Variants in SPTBN5 observed in about 807,000 individuals in gnomAD.
SPTBN5 encodes the protein spectrin beta, non-erythrocytic 5.
A neutral mutation model predicts 477.6 loss-of-function variants in SPTBN5; 513 were observed. That is an observed-to-expected ratio of 1.07 (90% confidence interval 1.00 to 1.16). The LOEUF is 1.16. Among genes scored for constraint, SPTBN5 ranks in the 50% most tolerant of loss-of-function variants. The pLI is 0.00. For missense variants in SPTBN5, 5,062 were observed against 4,731.8 expected (o/e 1.07, Z -2.05); for synonymous variants, 2,169 against 2,011.7 (o/e 1.08, Z -2.09).
intron 56 of SPTBN5, among the ~76,000 whole-genome samples, chr15:41,854,457 G>T (rs1001633488): frequency 4.9e-4 from 75 of 152,092 alleles, no homozygotes; most frequent in African/African-American, 1.7e-3. Context: ...AAAGGCAGAC[G>T]CGAGGTGTTG....
At chr15:41,854,523 C>T (rs1338949104) in intron 56 of SPTBN5, among the ~76,000 whole-genome samples, 1 of 152,062 alleles carries the variant, frequency 6.6e-6, no homozygotes, top group Non-Finnish European at 1.5e-5. Flanking sequence ...CTGGCAGTAC[C>T]ACCTGCAGTG....
Position 41,855,335 on chromosome 15 carries a change from C to G in SPTBN5, c.9312G>C (p.Gln3104His), listed in dbSNP as rs1385586036. 6.2e-7 allele frequency: 1 copy of G among 1,608,056 alleles called. No individual in the cohort carries two copies. Among genetic ancestry groups the G allele is most frequent in the Non-Finnish European group, 8.5e-7 (1 of 1,179,734 alleles). Reference protein sequence around the residue: ...AEARGHGLQEQLQLHQLERET... With the variant: ...AEARGHGLQEHLQLHQLERET... ...CTCGCTCCAGCTGGTGTAGCTGCAGCTGCTCCTGCAGGCCGTGCCCCCTGG... is the reference window on the plus strand; with the variant it reads ...CTCGCTCCAGCTGGTGTAGCTGCAGGTGCTCCTGCAGGCCGTGCCCCCTGG... The change falls in exon 55 of 68, where the codon CAG becomes CAC. Residue 3104 changes from glutamine to histidine, a missense_variant. Gln to His is a conservative substitution (Grantham distance 24). Transcript: ENST00000320955.
chr15:41,880,826 T>C (rs1176959945), intron 13 of SPTBN5, among the ~76,000 whole-genome samples: 1 of 152,208 alleles, frequency 6.6e-6, no homozygotes, highest in Non-Finnish European at 1.5e-5. Flanking sequence ...CAAGGTGCCT[T>C]CCCTGACCTC....
rs368781348 is a variant in SPTBN5, at chr15:41,866,691, T to G, written c.6481-198A>C. 446 of 747,304 alleles carry G rather than the reference T, an allele frequency of 6.0e-4. 2 individuals carry two copies. In the African/African-American group the frequency reaches 7.2e-3, roughly 12 times the overall value. The allele number at this position is 747,304 out of a possible 1,614,324, so 46.3% of individuals were successfully genotyped here. ...GGCAGGGCCTTGGGTGGGCTCTCGT[T>G]TTGGAGGTGTGGCCCCTACTCCTGG... On this transcript the variant is annotated intron_variant, in intron 36 of 67. Transcript: ENST00000320955.
intron 67 of SPTBN5, among the ~76,000 whole-genome samples, chr15:41,848,957 A>G (rs907431637): frequency 3.3e-5 from 5 of 152,232 alleles, no homozygotes; most frequent in African/African-American, 4.8e-5. Flanking sequence ...CCCGTCAGCA[A>G]CACATCATCT....
At position 41,851,103 on chromosome 15, in the gene SPTBN5, C is replaced by T. The variant is rs769887185; in HGVS notation, c.10791G>A (p.Glu3597=). The change falls in exon 65 of 68, where the codon GAG becomes GAA. Residue 3597 remains glutamate, a synonymous_variant. Transcript: ENST00000320955. ...ALLDLTGARC[E]RLRGRHGRKH... is the part of the protein sequence containing the mutation. ...TCCTGCCGTGGCGGCCCCGCAGCCT[C>T]TCACACCGGGCTCCCGTGAGGTCAA... The T allele has an allele frequency of 1.2e-6, 2 of 1,613,272 alleles. No homozygotes were observed. Among genetic ancestry groups the T allele is most frequent in the Non-Finnish European group, 1.7e-6 (2 of 1,179,836 alleles).
intron 56 of SPTBN5, among the ~76,000 whole-genome samples, 198 bp from the exon 57 acceptor site, chr15:41,854,403 G>A (rs1482238044): frequency 6.6e-6 from 1 of 151,980 alleles, no homozygotes; most frequent in African/African-American, 2.4e-5. Flanking sequence ...CAGGCCAGGG[G>A]GTGGGGAGGG....
At position 41,855,714 on chromosome 15, in the gene SPTBN5, C is replaced by T. The variant is rs770317298; in HGVS notation, c.9053G>A (p.Arg3018Gln). ...GTCCTCGCTGTCCAGGACATGGCCC[C>T]GCTCAGCCAGCCAGGATCCCGCCTC... The part of the protein sequence containing the change: ...LLEAGSWLAE[R>Q]GHVLDSEDMG... The change falls in exon 54 of 68, where the codon CGG (arginine) becomes CAG (glutamine). Residue 3018 changes from arginine (R) to glutamine (Q), a missense_variant. By Grantham distance (43) the Arg-to-Gln change is conservative. Transcript: ENST00000320955. 3.9e-5 allele frequency: 62 copies of T among 1,590,706 alleles called. No individual in the cohort carries two copies. Among genetic ancestry groups the T allele is most frequent in the South Asian group, 1.2e-4 (11 of 89,122 alleles).
chr15:41,877,815 G>C (rs932558002), intron 17 of SPTBN5, among the ~76,000 whole-genome samples: 4 of 152,250 alleles, frequency 2.6e-5, no homozygotes, highest in South Asian at 4.1e-4. Context: ...ATGCATTTCA[G>C]TGCCCACTTG....
In SPTBN5 at chr15:41,894,017, G is replaced by A. The variant is rs1337815678; in HGVS notation, c.-168C>T. On this transcript the variant is annotated 5_prime_UTR_variant, in exon 1 of 68. Transcript: ENST00000320955. ...GAGAGGCCAAGGCTGGAGCAGGGCT[G>A]CACCACAGCCCTCCCCTTGAGCCAG... 5 of 172,484 alleles carry A rather than the reference G, an allele frequency of 2.9e-5. No individual in the cohort carries two copies. The East Asian group carries it at 6.1e-4, about 21-fold the overall frequency. The allele number at this position is 172,484 out of a possible 1,614,324, so 10.7% of individuals were successfully genotyped here. A position where few individuals can be genotyped will look rare whatever the true frequency, so the allele number is the denominator to read the frequency against.
chr15:41,863,638 G>A, intron 41 of SPTBN5, 66 bp downstream of exon 41: 1 of 1,299,026 alleles, frequency 7.7e-7, no homozygotes, highest in South Asian at 1.2e-5. Flanking sequence ...GGAGACTCTA[G>A]GCAGTGCCCC....
rs1197066640 is a variant in SPTBN5, at chr15:41,883,151, C to T, written c.1737G>A (p.Glu579=). 6.2e-7 allele frequency: 1 copy of T among 1,612,912 alleles called. No homozygotes were observed. The highest frequency in any genetic ancestry group is 1.1e-5 in the South Asian group (1 of 90,986). ...VELLQRHDLL[E]AQVSAHGAHV... ...GGGCTCCGTGGGCCGAGACTTGAGCCTCCAGCAGGTCATGCCTCTGCAGCA... is the reference window on the plus strand; with the variant it reads ...GGGCTCCGTGGGCCGAGACTTGAGCTTCCAGCAGGTCATGCCTCTGCAGCA... Residue 579 remains glutamate, a synonymous_variant, in exon 9 of 68, where the codon GAG becomes GAA. Transcript: ENST00000320955.
At position 41,876,611 on chromosome 15, in the gene SPTBN5, C is replaced by A; in HGVS notation, c.3888G>T (p.Trp1296Cys). Residue 1296 changes from tryptophan (W) to cysteine (C), a missense_variant, in exon 20 of 68, where the codon TGG becomes TGT. Physicochemically the swap from Trp to Cys is radical, Grantham distance 215. Coordinates refer to ENST00000320955, the MANE Select transcript of SPTBN5 (RefSeq NM_016642.4). Reference protein sequence around the residue: ...REQLQSIQAQWTRLQGRSEQR... With the variant: ...REQLQSIQAQCTRLQGRSEQR... ...GCTCACTCCTCCCCTGGAGCCTGGT[C>A]CACTGTGCCTGGATACTCTGCAGCT... 6.2e-7 allele frequency: 1 copy of A among 1,605,860 alleles called. No individual in the cohort carries two copies. The highest frequency in any genetic ancestry group is 8.5e-7 in the Non-Finnish European group (1 of 1,177,198).
intron 4 of SPTBN5, among the ~76,000 whole-genome samples, chr15:41,889,564 T>C (rs2067249638): frequency 6.6e-6 from 1 of 151,936 alleles, no homozygotes; most frequent in African/African-American, 2.4e-5. Context: ...ACTACAGGCA[T>C]GTGCCACAAA....
chr15:41,856,801 C>T, intron 52 of SPTBN5, 52 bp downstream of exon 52: 1 of 1,496,688 alleles, frequency 6.7e-7, no homozygotes, highest in Non-Finnish European at 9.0e-7. Context: ...ATTTCCTTGG[C>T]TGAGAAGCCC....
At chr15:41,884,366 C>T (rs915490460) in intron 7 of SPTBN5, among the ~76,000 whole-genome samples, 2 of 151,972 alleles carry the variant, frequency 1.3e-5, no homozygotes, top group Admixed American at 6.6e-5. Context: ...GTGATCCACC[C>T]GCCTTGGCCT....
chr15:41,855,607 G>A lies in SPTBN5; in HGVS notation c.9160C>T (p.Arg3054Cys), dbSNP rs368037342. Reference protein sequence around the residue: ...TKRDLEAFSPRIERLQQTAAL... With the variant: ...TKRDLEAFSPCIERLQQTAAL... The stretch of plus-strand genomic sequence containing the variant: ...GCTGTCTGCTGCAGCCGCTCGATGC[G>A]TGGGCTGAACGCTTCCAGGTCTCTC... The change falls in exon 54 of 68, where the codon CGC becomes TGC. Residue 3054 changes from arginine to cysteine, a missense_variant. Coordinates refer to ENST00000320955, the MANE Select transcript of SPTBN5 (RefSeq NM_016642.4). 2.2e-4 allele frequency: 362 copies of A among 1,611,574 alleles called. No homozygotes were observed. Among genetic ancestry groups the A allele is most frequent in the Non-Finnish European group, 2.7e-4 (319 of 1,179,746 alleles).
rs1299519751 is a variant in SPTBN5 at position 41,851,294 on chromosome 15, T to G, written c.10732A>C (p.Met3578Leu). 1 of 1,551,220 alleles carries G rather than the reference T, an allele frequency of 6.4e-7. No homozygotes were observed. The highest frequency in any genetic ancestry group is 1.2e-5 in the South Asian group (1 of 84,062). ...ACCCCGCCTGGTACCTCCGCTGCCA[T>G]CCTCTCATCCAGGAACAGGCTCAGA... ...SSLSLFLDERMAAEKVASIAL... is the reference protein window; with the variant it reads ...SSLSLFLDERLAAEKVASIAL... The change falls in exon 64 of 68, where the codon ATG (methionine) becomes CTG (leucine). Residue 3578 changes from methionine (M) to leucine (L), a missense_variant. Physicochemically the swap from Met to Leu is conservative, Grantham distance 15 (BLOSUM62 2). Coordinates refer to ENST00000320955, the MANE Select transcript of SPTBN5 (RefSeq NM_016642.4).
intron 67 of SPTBN5, among the ~76,000 whole-genome samples, chr15:41,849,447 C>A (rs768816254): frequency 6.6e-6 from 1 of 152,146 alleles, no homozygotes; most frequent in African/African-American, 2.4e-5. Context: ...AGGGTCTGGC[C>A]GTCCTGCCAA....
Sources: gnomAD v4.1 joint callset for allele counts (sites outside exome capture counted in the v4.1 genomes callset) on GRCh38, gnomAD v4.1.1 for gene constraint, MANE v1.5 for transcripts, NCBI Gene and HGNC (gene_info 2026-07-23, HGNC 2026-07-21) for gene names.